The following KCND2 variants were observed in gnomAD, a reference collection of about 807,000 sequenced individuals.
The protein encoded by KCND2 is A-type voltage-gated potassium channel KCND2.
In KCND2, 16 loss-of-function variants were observed where a neutral mutation model predicts 54.4. The observed-to-expected ratio is 0.29, with a 90% confidence interval of 0.20 to 0.45. The LOEUF (loss-of-function observed/expected upper bound fraction) is 0.45, where lower values mean the gene tolerates loss of function less well. Ranked by LOEUF, KCND2 falls within the 20% of genes least tolerant of loss-of-function variation. The probability of loss-of-function intolerance (pLI) is 1.00; values close to 1 mark genes in which losing one functional copy is unlikely to be tolerated. For missense variants in KCND2, 486 were observed against 824.2 expected, an observed-to-expected ratio of 0.59 and a Z score of 5.02; for synonymous variants, 317 against 310.7, an observed-to-expected ratio of 1.02 and a Z score of -0.21.
chr7:120,443,548 A>G (rs959458119), intron 1 of KCND2, among the ~76,000 whole-genome samples: 1 of 151,850 alleles, frequency 6.6e-6, no homozygotes, highest in African/African-American at 2.4e-5. Flanking sequence ...CCCCAACCCA[A>G]TCATCTTATG....
intron 1 of KCND2, among the ~76,000 whole-genome samples, chr7:120,331,450 C>A (rs1800067739): frequency 6.6e-6 from 1 of 151,248 alleles, no homozygotes; most frequent in African/African-American, 2.4e-5. Context: ...ATTATTTTAT[C>A]CTTATCCTGG....
At chr7:120,678,219 A>G (rs908513204) in intron 1 of KCND2, among the ~76,000 whole-genome samples, 1 of 151,608 alleles carries the variant, frequency 6.6e-6, no homozygotes, top group Non-Finnish European at 1.5e-5. Flanking sequence ...GCTTACATTT[A>G]TACTAGCATC....
chr7:120,664,687 T>C (rs1034925415), intron 1 of KCND2, among the ~76,000 whole-genome samples: 7 of 152,118 alleles, frequency 4.6e-5, no homozygotes, highest in Admixed American at 4.6e-4. Flanking sequence ...GACAATTATG[T>C]TGGCGAGAAA....
intron 1 of KCND2, among the ~76,000 whole-genome samples, chr7:120,372,459 A>G (rs1303596924): frequency 2.7e-5 from 1 of 37,206 alleles, no homozygotes; most frequent in Non-Finnish European, 5.8e-5. Context: ...AAAAATCTGA[A>G]TTCATTTTAT....
At chr7:120,470,146 A>T (rs565035654) in intron 1 of KCND2, among the ~76,000 whole-genome samples, 1 of 152,304 alleles carries the variant, frequency 6.6e-6, no homozygotes, top group South Asian at 2.1e-4. Flanking sequence ...TTGCATATGA[A>T]AATTGGTACA....
At chr7:120,413,807 TG>T (rs554580516) in intron 1 of KCND2, among the ~76,000 whole-genome samples, 87 of 151,122 alleles carry the variant, frequency 5.8e-4, no homozygotes, top group African/African-American at 2.1e-3. Flanking sequence ...TGATTAACAT[TG>T]GCTTACTAGG....
chr7:120,678,547 G>T (rs1792098194), intron 1 of KCND2, among the ~76,000 whole-genome samples: 1 of 146,454 alleles, frequency 6.8e-6, no homozygotes, highest in Non-Finnish European at 1.5e-5. Context: ...AAATGTAAAT[G>T]TGTATGTATG....
intron 1 of KCND2, among the ~76,000 whole-genome samples, chr7:120,617,699 G>A (rs1793045702): frequency 6.6e-6 from 1 of 152,156 alleles, no homozygotes; most frequent in African/African-American, 2.4e-5. Context: ...GCACCCATAT[G>A]TTCATTGCAG....
chr7:120,727,975 A>T (rs1394170192), intron 1 of KCND2, among the ~76,000 whole-genome samples: 1 of 151,726 alleles, frequency 6.6e-6, no homozygotes, highest in African/African-American at 2.4e-5. Context: ...CTCTACTAAA[A>T]ATACAAAAAT....
In KCND2 at chr7:120,629,190, A is replaced by T. The variant is rs192202293; in HGVS notation, c.1116-103713A>T. ...AGCGAGAAACTGCTCAGCGTATATG[A>T]GTATTAGAAAGAAGGGGCCGGGCAC... On this transcript the variant is annotated intron_variant, in intron 1 of 5. Coordinates refer to ENST00000331113, the MANE Select transcript of KCND2 (RefSeq NM_012281.3). Among the ~76,000 whole-genome samples, 352 of 152,308 alleles carry T rather than the reference A, an allele frequency of 2.3e-3. 2 individuals carry two copies. Among genetic ancestry groups the T allele is most frequent in the African/African-American group, 8.2e-3 (341 of 41,576 alleles).
At chr7:120,670,410 A>G (rs1243456868) in intron 1 of KCND2, among the ~76,000 whole-genome samples, 1 of 152,088 alleles carries the variant, frequency 6.6e-6, no homozygotes, top group Non-Finnish European at 1.5e-5. Flanking sequence ...GTTAAATCAG[A>G]CATTGGCAAC....
At chr7:120,392,279 T>C (rs1801090530) in intron 1 of KCND2, among the ~76,000 whole-genome samples, 1 of 152,040 alleles carries the variant, frequency 6.6e-6, no homozygotes, top group African/African-American at 2.4e-5. Flanking sequence ...TCTATGTATC[T>C]TTTTTGGTAC....
At chr7:120,718,226 G>T (rs2116093673) in intron 1 of KCND2, among the ~76,000 whole-genome samples, 1 of 152,280 alleles carries the variant, frequency 6.6e-6, no homozygotes, top group East Asian at 1.9e-4. Flanking sequence ...GTTTTGTTGA[G>T]TGGTTTCAAA....
At chr7:120,617,220 A>G (rs575348805) in intron 1 of KCND2, among the ~76,000 whole-genome samples, 1 of 152,294 alleles carries the variant, frequency 6.6e-6, no homozygotes, top group South Asian at 2.1e-4. Context: ...ATGACATTCA[A>G]AATACCAGTT....
rs1043695988 is a variant in KCND2 at position 120,559,654 on chromosome 7, G to A, written c.1116-173249G>A. Reference sequence around the variant, plus strand: ...TACTCAGGAGGAAATGAAACAGCATGTTTGAAATTCTAATTCTATTGGATA... The same window carrying A: ...TACTCAGGAGGAAATGAAACAGCATATTTGAAATTCTAATTCTATTGGATA... On this transcript the variant is annotated intron_variant, in intron 1 of 5. Coordinates refer to ENST00000331113, the MANE Select transcript of KCND2 (RefSeq NM_012281.3). Among the ~76,000 whole-genome samples the A allele has an allele frequency of 3.9e-5, 6 of 152,278 alleles. No homozygotes were observed. In the East Asian group the frequency reaches 9.6e-4, roughly 24 times the overall value.
chr7:120,652,352 G>C (rs920611537), intron 1 of KCND2, among the ~76,000 whole-genome samples: 1 of 152,104 alleles, frequency 6.6e-6, no homozygotes, highest in African/African-American at 2.4e-5. Context: ...GGGATTACAG[G>C]TGTGAGCAAC....
chr7:120,475,820 C>T (rs1802526061), intron 1 of KCND2, among the ~76,000 whole-genome samples: 1 of 152,132 alleles, frequency 6.6e-6, no homozygotes. Flanking sequence ...CACAGATCAC[C>T]AATTTGGTTA....
intron 1 of KCND2, among the ~76,000 whole-genome samples, chr7:120,438,338 A>G (rs952277276): frequency 2.0e-5 from 3 of 152,170 alleles, no homozygotes; most frequent in African/African-American, 7.2e-5. Flanking sequence ...AACATCCTGT[A>G]CTTGCTGGTA....
In KCND2 at chr7:120,273,382, G is replaced by A. The variant is rs1029864999; in HGVS notation, c.-1251G>A. Among the ~76,000 whole-genome samples, 2 of 147,884 alleles carry A rather than the reference G, an allele frequency of 1.4e-5. No homozygotes were observed. Among genetic ancestry groups the A allele is most frequent in the South Asian group, 2.1e-4 (1 of 4,796 alleles). On this transcript the variant is annotated 5_prime_UTR_variant, in exon 1 of 6. Coordinates refer to ENST00000331113, the MANE Select transcript of KCND2 (RefSeq NM_012281.3). Reference sequence around the variant, plus strand: ...AGAGCCCGTGCCGGCCCCGGCCCCGGCCCCACCGCGCCAACGCCGCCCGCC... The same window carrying A: ...AGAGCCCGTGCCGGCCCCGGCCCCGACCCCACCGCGCCAACGCCGCCCGCC...
Sources: gnomAD v4.1 joint callset for allele counts (sites outside exome capture counted in the v4.1 genomes callset) on GRCh38, gnomAD v4.1.1 for gene constraint, MANE v1.5 for transcripts, NCBI Gene and HGNC (gene_info 2026-07-23, HGNC 2026-07-21) for gene names.